Variants in DEFB131B observed in about 807,000 individuals in gnomAD.
DEFB131B encodes beta-defensin 131B.
A neutral mutation model predicts 2.1 loss-of-function variants in DEFB131B; 2 were observed. That is an observed-to-expected ratio of 0.94 (90% CI 0.38 to 2.95). The LOEUF (loss-of-function observed/expected upper bound fraction) is 2.95, where lower values mean the gene tolerates loss of function less well. Among genes scored for constraint, DEFB131B ranks in the 30% most tolerant of loss-of-function variants. The pLI is 0.09. For synonymous variants in DEFB131B, 26 were observed against 25.8 expected, an observed-to-expected ratio of 1.01 and a Z score of -0.03; for missense variants, 77 against 78.5, an observed-to-expected ratio of 0.98 and a Z score of 0.07.
intron 1 of DEFB131B, among the ~76,000 whole-genome samples, chr11:71,881,623 C>A (rs941927154): frequency 6.6e-6 from 1 of 151,574 alleles, no homozygotes; most frequent in African/African-American, 2.4e-5. Flanking sequence ...CTCATTTTAG[C>A]TTTATCAGTC....
intron 1 of DEFB131B, among the ~76,000 whole-genome samples, chr11:71,880,560 G>A (rs1160892611): frequency 6.6e-6 from 1 of 151,956 alleles, no homozygotes; most frequent in Non-Finnish European, 1.5e-5. Context: ...TCCTAAGTTT[G>A]GATTTCATTT....
chr11:71,882,388 C>T (rs111235011), intron 1 of DEFB131B, among the ~76,000 whole-genome samples: 15 of 152,154 alleles, frequency 9.9e-5, no homozygotes, highest in African/African-American at 2.6e-4. Flanking sequence ...GCCACCACCA[C>T]GCCTGGCTAA....
In DEFB131B at chr11:71,878,514, A is replaced by G. The variant is rs1248045530; in HGVS notation, c.58+4A>G. ...TTGATGTCCACAGTTCCTCCAAGTAAGGCAGAAACTTTTTTATTCCAAAGT... is the reference window on the plus strand; with the variant it reads ...TTGATGTCCACAGTTCCTCCAAGTAGGGCAGAAACTTTTTTATTCCAAAGT... On this transcript the variant is annotated splice_donor_region_variant and intron_variant, in intron 1 of 1. Coordinates refer to ENST00000530210, the MANE Select transcript of DEFB131B (RefSeq NM_001242853.1). 1 of 1,609,902 alleles carries G rather than the reference A, an allele frequency of 6.2e-7. No homozygotes were observed. Among genetic ancestry groups the G allele is most frequent in the Non-Finnish European group, 8.5e-7 (1 of 1,179,436 alleles).
At chr11:71,881,806 C>T (rs1212898307) in intron 1 of DEFB131B, among the ~76,000 whole-genome samples, 1 of 151,566 alleles carries the variant, frequency 6.6e-6, no homozygotes, top group African/African-American at 2.4e-5. Context: ...TAGCAACTTC[C>T]AAAACTTAAA....
chr11:71,883,699 T>C (rs376517731), intron 1 of DEFB131B, among the ~76,000 whole-genome samples: 1 of 152,146 alleles, frequency 6.6e-6, no homozygotes, highest in African/African-American at 2.4e-5. Flanking sequence ...TTTTAACTTA[T>C]AAATTGTAAC....
chr11:71,879,265 A>T (rs1952545223), intron 1 of DEFB131B, among the ~76,000 whole-genome samples: 1 of 141,294 alleles, frequency 7.1e-6, no homozygotes, highest in Admixed American at 6.9e-5. Flanking sequence ...CATTTAATGT[A>T]TATGGAAATT....
chr11:71,884,348 C>A, intron 1 of DEFB131B, 59 bp from the exon 2 acceptor site: 1 of 1,441,842 alleles, frequency 6.9e-7, no homozygotes, highest in East Asian at 2.5e-5. Flanking sequence ...ACATTTCAGA[C>A]ATTTAAACAT....
At chr11:71,883,673 T>C (rs1216838490) in intron 1 of DEFB131B, among the ~76,000 whole-genome samples, 1 of 151,230 alleles carries the variant, frequency 6.6e-6, no homozygotes, top group Non-Finnish European at 1.5e-5. Context: ...TTTCATGATG[T>C]TGGTCATGGC....
chr11:71,884,149 T>C (rs1007795334), intron 1 of DEFB131B, among the ~76,000 whole-genome samples: 1 of 152,238 alleles, frequency 6.6e-6, no homozygotes, highest in Non-Finnish European at 1.5e-5. Flanking sequence ...TCATTTTAGG[T>C]AGAAATATGT....
chr11:71,879,600 T>C (rs1018059559), intron 1 of DEFB131B, among the ~76,000 whole-genome samples: 21 of 152,062 alleles, frequency 1.4e-4, no homozygotes, highest in African/African-American at 4.8e-4. Context: ...TGTTAGTGGG[T>C]TTTTTATATT....
At chr11:71,882,845 A>T (rs1416194440) in intron 1 of DEFB131B, among the ~76,000 whole-genome samples, 1 of 152,166 alleles carries the variant, frequency 6.6e-6, no homozygotes, top group Non-Finnish European at 1.5e-5. Context: ...TTTTTGTAAA[A>T]AACCCTAAAC....
At chr11:71,881,658 A>G (rs1326773375) in intron 1 of DEFB131B, among the ~76,000 whole-genome samples, 1 of 152,130 alleles carries the variant, frequency 6.6e-6, no homozygotes, top group Non-Finnish European at 1.5e-5. Context: ...ATCTTCAAAT[A>G]TGATTACATT....
chr11:71,880,982 T>G (rs544249346), intron 1 of DEFB131B, among the ~76,000 whole-genome samples: 82 of 152,362 alleles, frequency 5.4e-4, no homozygotes, highest in African/African-American at 1.9e-3. Context: ...GAATGTGTAC[T>G]CCACAGCTTT....
chr11:71,884,343 T>C (rs1196956199), intron 1 of DEFB131B, 64 bp from the exon 2 acceptor site: 7 of 1,421,252 alleles, frequency 4.9e-6, no homozygotes, highest in Non-Finnish European at 6.5e-6. Context: ...ATAAAACATT[T>C]CAGACATTTA....
intron 1 of DEFB131B, among the ~76,000 whole-genome samples, chr11:71,879,586 T>C (rs1478016553): frequency 6.6e-6 from 1 of 152,146 alleles, no homozygotes; most frequent in Non-Finnish European, 1.5e-5. Context: ...CTTTCCCCCA[T>C]GAATGTTAGT....
chr11:71,882,748 C>A (rs551930847), intron 1 of DEFB131B, among the ~76,000 whole-genome samples: 1 of 152,196 alleles, frequency 6.6e-6, no homozygotes, highest in East Asian at 1.9e-4. Flanking sequence ...CTAGCAAGAA[C>A]AATTAGGCAA....
At chr11:71,884,301 C>T in intron 1 of DEFB131B, 106 bp from the exon 2 acceptor site, 1 of 1,283,284 alleles carries the variant, frequency 7.8e-7, no homozygotes. Context: ...TTTTGTTTTT[C>T]TGGGAAAGTT....
intron 1 of DEFB131B, among the ~76,000 whole-genome samples, chr11:71,881,762 A>G (rs2065257468): frequency 6.6e-6 from 1 of 152,244 alleles, no homozygotes; most frequent in Non-Finnish European, 1.5e-5. Context: ...TGATATGATC[A>G]AGGAAAGAAT....
chr11:71,880,124 T>G (rs180740172), intron 1 of DEFB131B, among the ~76,000 whole-genome samples: 2,138 of 152,206 alleles, frequency 0.014, 26 homozygotes, highest in Admixed American at 0.026. Context: ...AAATGTGCTC[T>G]GAGGTAACAT....
Sources: gnomAD v4.1 joint callset for allele counts (sites outside exome capture counted in the v4.1 genomes callset) on GRCh38, gnomAD v4.1.1 for gene constraint, MANE v1.5 for transcripts, NCBI Gene and HGNC (gene_info 2026-07-23, HGNC 2026-07-21) for gene names.